Variants in CLMN observed in about 807,000 individuals in gnomAD.
The protein encoded by CLMN is calmin, also known as calmin (calponin-like, transmembrane).
A neutral mutation model predicts 92.7 loss-of-function variants in CLMN; 57 were observed. The ratio of observed to expected loss-of-function variants is 0.61; its 90% confidence interval spans 0.50 to 0.77. The LOEUF is 0.77. Among genes scored for constraint, CLMN ranks in the 30% least tolerant of loss-of-function variants. The pLI is 0.00. For missense variants in CLMN, 1,158 were observed against 1,237.5 expected (o/e 0.94, Z 0.96); for synonymous variants, 466 against 470.6 (o/e 0.99, Z 0.13).
intron 7 of CLMN, 34 bp from the exon 8 acceptor site, chr14:95,209,511 A>G: frequency 2.0e-6 from 3 of 1,495,894 alleles, no homozygotes; most frequent in Middle Eastern, 1.7e-4. Flanking sequence ...AGCAGGAGAT[A>G]CAAACACACA....
At chr14:95,307,189 A>C (rs1315233850) in intron 1 of CLMN, among the ~76,000 whole-genome samples, 1 of 152,222 alleles carries the variant, frequency 6.6e-6, no homozygotes, top group Non-Finnish European at 1.5e-5. Context: ...ACCCACAGCC[A>C]GTCAATACTA....
At chr14:95,207,868 C>G (rs1897089249) in intron 8 of CLMN, among the ~76,000 whole-genome samples, 1 of 152,190 alleles carries the variant, frequency 6.6e-6, no homozygotes, top group Non-Finnish European at 1.5e-5. Flanking sequence ...AACAGAGCCC[C>G]AGTTTCAGCT....
At chr14:95,198,905 A>C (rs1182942782) in intron 9 of CLMN, 1 of 152,046 alleles carries the variant, frequency 6.6e-6, no homozygotes, top group African/African-American at 2.4e-5. Context: ...TATTTTATTT[A>C]TTATTTATTT....
intron 1 of CLMN, among the ~76,000 whole-genome samples, chr14:95,239,172 G>A (rs767116841): frequency 3.4e-4 from 51 of 152,160 alleles, no homozygotes; most frequent in Non-Finnish European, 5.3e-4. Context: ...GCCCTGAAGC[G>A]CCCGGCTGAA....
At position 95,196,518 on chromosome 14, in the gene CLMN, G is replaced by A. The variant is rs771709586; in HGVS notation, c.2688C>T (p.Ser896=). The A allele has an allele frequency of 2.5e-5, 40 of 1,611,772 alleles. No individual in the cohort carries two copies. In the South Asian group the frequency reaches 2.9e-4, roughly 12 times the overall value. ...AATACCTGGAAGGAATGCTGTAGTCGCTACTGTCTTCTTCTAGGTCATCTG... is the reference window on the plus strand; with the variant it reads ...AATACCTGGAAGGAATGCTGTAGTCACTACTGTCTTCTTCTAGGTCATCTG... ...QSSDDLEEDS[S]DYSIPSRTSH... The change falls in exon 10 of 13, where the codon AGC becomes AGT. Residue 896 remains serine (S), a synonymous_variant. Transcript: ENST00000298912.
chr14:95,274,630 T>C (rs1268342752), intron 1 of CLMN, among the ~76,000 whole-genome samples: 1 of 152,214 alleles, frequency 6.6e-6, no homozygotes, highest in African/African-American at 2.4e-5. Flanking sequence ...GTGTGGCTCC[T>C]TGAAGGGAAG....
chr14:95,222,239 A>C (rs1348944333), intron 3 of CLMN, among the ~76,000 whole-genome samples: 1 of 152,182 alleles, frequency 6.6e-6, no homozygotes, highest in Non-Finnish European at 1.5e-5. Context: ...GGTCCTCCCC[A>C]GTGGCGGCAG....
At chr14:95,245,221 TATA>T (rs1898464337) in intron 1 of CLMN, among the ~76,000 whole-genome samples, 1 of 33,128 alleles carries the variant, frequency 3.0e-5, no homozygotes, top group Non-Finnish European at 4.6e-5. Context: ...TATATATATA[TATA>T]TTATATATAT....
chr14:95,282,953 G>C (rs912312588), intron 1 of CLMN, among the ~76,000 whole-genome samples: 3 of 152,248 alleles, frequency 2.0e-5, no homozygotes, highest in Non-Finnish European at 2.9e-5. Flanking sequence ...GGACTGGGGA[G>C]GGGGAGGGAC....
intron 1 of CLMN, among the ~76,000 whole-genome samples, chr14:95,302,053 G>A (rs945868735): frequency 1.1e-4 from 17 of 152,040 alleles, no homozygotes; most frequent in African/African-American, 3.9e-4. Context: ...ACCCCATCTC[G>A]AAAAAAGAAA....
intron 1 of CLMN, among the ~76,000 whole-genome samples, chr14:95,235,739 C>T (rs1382296775): frequency 5.9e-5 from 9 of 152,176 alleles, no homozygotes; most frequent in Non-Finnish European, 7.3e-5. Context: ...GCATGGGAGC[C>T]GTATTCTTTG....
chr14:95,297,705 C>T (rs985879019), intron 1 of CLMN, among the ~76,000 whole-genome samples: 4 of 152,146 alleles, frequency 2.6e-5, no homozygotes, highest in African/African-American at 9.7e-5. Context: ...CCTTCTTCCT[C>T]CTGAGCAGTA....
chr14:95,258,641 T>G, intron 1 of CLMN, among the ~76,000 whole-genome samples: 2 of 147,162 alleles, frequency 1.4e-5, no homozygotes, highest in African/African-American at 5.2e-5. Context: ...GTGTGTGGTG[T>G]GTGTGTGGAG....
intron 1 of CLMN, among the ~76,000 whole-genome samples, chr14:95,314,022 G>A (rs894871309): frequency 8.6e-5 from 13 of 151,082 alleles, no homozygotes; most frequent in Admixed American, 2.0e-4. Context: ...CTGCTGACAC[G>A]TGATTCTGTG....
chr14:95,305,655 T>C (rs1208908056), intron 1 of CLMN, among the ~76,000 whole-genome samples: 2 of 151,908 alleles, frequency 1.3e-5, no homozygotes, highest in African/African-American at 4.8e-5. Context: ...TCCTAGAAAA[T>C]TTCCCAGAAC....
intron 3 of CLMN, chr14:95,222,254 TTC>T (rs1317872735): frequency 8.9e-6 from 2 of 224,894 alleles, no homozygotes; most frequent in Non-Finnish European, 1.8e-5. Context: ...CGGCAGATGT[TTC>T]TGTTTTCTAG....
intron 1 of CLMN, among the ~76,000 whole-genome samples, chr14:95,275,254 T>C (rs1039640286): frequency 6.6e-6 from 1 of 152,104 alleles, no homozygotes; most frequent in African/African-American, 2.4e-5. Context: ...TAGGCATTCT[T>C]AGCCACCGGA....
chr14:95,271,821 C>G (rs970243982), intron 1 of CLMN, among the ~76,000 whole-genome samples: 9 of 152,248 alleles, frequency 5.9e-5, no homozygotes, highest in African/African-American at 1.7e-4. Context: ...TCTGTCTCCA[C>G]TCCGTGCCTA....
intron 1 of CLMN, among the ~76,000 whole-genome samples, chr14:95,264,361 A>G (rs1899383354): frequency 6.6e-6 from 1 of 152,110 alleles, no homozygotes; most frequent in African/African-American, 2.4e-5. Context: ...ATAAATCCTC[A>G]GCCAGCCTTG....
Sources: allele counts gnomAD v4.1 joint callset (sites outside exome capture counted in the v4.1 genomes callset), GRCh38; gene constraint gnomAD v4.1.1; transcripts MANE v1.5; gene names NCBI Gene and HGNC (gene_info 2026-07-23, HGNC 2026-07-21).